The following ERI3 variants were observed in gnomAD, a reference collection of about 807,000 sequenced individuals.
ERI3 encodes ERI1 exoribonuclease 3.
Under a neutral mutation model 44.4 loss-of-function variants are expected in ERI3, and 18 were observed. That is an observed-to-expected ratio of 0.41 (90% CI 0.28 to 0.60). The LOEUF (loss-of-function observed/expected upper bound fraction) is 0.60. Among genes scored for constraint, ERI3 ranks in the 20% least tolerant of loss-of-function variants. The pLI is 0.36. For synonymous variants in ERI3, 183 were observed against 164.8 expected, an observed-to-expected ratio of 1.11 and a Z score of -0.84; for missense variants, 294 against 435.5, an observed-to-expected ratio of 0.68 and a Z score of 2.89.
At chr1:44,267,390 T>C (rs543878401) in intron 7 of ERI3, among the ~76,000 whole-genome samples, 1 of 152,252 alleles carries the variant, frequency 6.6e-6, no homozygotes, top group South Asian at 2.1e-4. Context: ...CCTATGGGCC[T>C]CTCCTCCCCT....
chr1:44,327,977 T>C (rs1386548312), intron 3 of ERI3, among the ~76,000 whole-genome samples: 2 of 152,336 alleles, frequency 1.3e-5, no homozygotes, highest in East Asian at 3.9e-4. Context: ...GTCAGACTAC[T>C]TGGCCAGGAG....
intron 2 of ERI3, among the ~76,000 whole-genome samples, chr1:44,352,519 C>T (rs1175338013): frequency 6.6e-6 from 1 of 152,150 alleles, no homozygotes; most frequent in African/African-American, 2.4e-5. Flanking sequence ...ATGTGTATTT[C>T]TCAGGATAAT....
chr1:44,254,947 C>T (rs1170606053), intron 7 of ERI3, among the ~76,000 whole-genome samples: 2 of 151,736 alleles, frequency 1.3e-5, no homozygotes, highest in African/African-American at 4.8e-5. Flanking sequence ...CTGGCTTCTT[C>T]ATTAACATTC....
chr1:44,355,009 G>A lies in ERI3; in HGVS notation c.18C>T (p.Pro6=), dbSNP rs778879330. 15 of 1,388,204 alleles carry A rather than the reference G, an allele frequency of 1.1e-5. No homozygotes were observed. The highest frequency in any genetic ancestry group is 1.2e-5 in the Non-Finnish European group (13 of 1,066,258). 86.0% of individuals were successfully genotyped at this position (1,388,204 alleles called of 1,614,324 possible). A position where few individuals can be genotyped will look rare whatever the true frequency, so the allele number is the denominator to read the frequency against. The change falls in exon 1 of 9, where the codon CCC becomes CCT. Residue 6 remains proline, a synonymous_variant. Coordinates refer to ENST00000372257, the MANE Select transcript of ERI3 (RefSeq NM_024066.3). Reference sequence around the variant, plus strand: ...GCCGCCCCCGCCCCCCGTCAGCAGCGGGAGAGGCTGTCGCCATGGCAACGC... The same window carrying A: ...GCCGCCCCCGCCCCCCGTCAGCAGCAGGAGAGGCTGTCGCCATGGCAACGC... MATAS[P]AADGGRGRPW... is the part of the protein sequence containing the mutation.
intron 7 of ERI3, among the ~76,000 whole-genome samples, chr1:44,280,928 G>A (rs1645271581): frequency 1.3e-5 from 2 of 152,270 alleles, no homozygotes; most frequent in South Asian, 4.1e-4. Context: ...TTAAACATCT[G>A]TGTGCCAGGA....
rs551551141 is a variant in ERI3, at chr1:44,328,157, TG to T, written c.490-8414del. Among the ~76,000 whole-genome samples, 15 of 152,244 alleles carry T rather than the reference TG, an allele frequency of 9.9e-5. No individual in the cohort carries two copies. The South Asian group carries it at 3.1e-3, about 32-fold the overall frequency. On this transcript the variant is annotated intron_variant, in intron 3 of 8. Transcript: ENST00000372257. Reference sequence around the variant, plus strand: ...CAGCCAGGAAGGTAAACAGTTGTGCTGGCATGACAATAGATTTTTAAAAATT... The same window carrying T: ...CAGCCAGGAAGGTAAACAGTTGTGCTGCATGACAATAGATTTTTAAAAATT...
At chr1:44,328,167 A>G (rs1646353235) in intron 3 of ERI3, among the ~76,000 whole-genome samples, 2 of 151,996 alleles carry the variant, frequency 1.3e-5, no homozygotes, top group Admixed American at 1.3e-4. Context: ...TGGCATGACA[A>G]TAGATTTTTA....
intron 6 of ERI3, among the ~76,000 whole-genome samples, chr1:44,300,550 T>C (rs1406951072): frequency 6.6e-6 from 1 of 152,162 alleles, no homozygotes; most frequent in African/African-American, 2.4e-5. Flanking sequence ...GAGACGCCTG[T>C]TGACTTGCAG....
At chr1:44,309,755 G>A (rs986104592) in intron 5 of ERI3, among the ~76,000 whole-genome samples, 13 of 151,960 alleles carry the variant, frequency 8.6e-5, no homozygotes, top group African/African-American at 3.1e-4. Flanking sequence ...AGTAGAGACG[G>A]GGTTTCACCG....
intron 2 of ERI3, among the ~76,000 whole-genome samples, chr1:44,350,868 G>C (rs1271428157): frequency 6.6e-6 from 1 of 152,040 alleles, no homozygotes; most frequent in Non-Finnish European, 1.5e-5. Flanking sequence ...TTATAGGCAC[G>C]AGCCATCGTG....
At chr1:44,284,010 T>C (rs994186222) in intron 7 of ERI3, 1 of 470,778 alleles carries the variant, frequency 2.1e-6, no homozygotes, top group African/African-American at 2.0e-5. Context: ...TGTTCTCCTT[T>C]CTCTGAGCTT....
rs1646160906 is a variant in ERI3, at chr1:44,319,708, G to A, written c.526C>T (p.Arg176Trp). The A allele has an allele frequency of 1.9e-6, 3 of 1,614,112 alleles. No homozygotes were observed. Among genetic ancestry groups the A allele is most frequent in the African/African-American group, 1.3e-5 (1 of 75,026 alleles). The change falls in exon 4 of 9, where the codon CGG (arginine) becomes TGG (tryptophan). Residue 176 changes from arginine (R) to tryptophan (W), a missense_variant. This residue lies in a region of ERI3 where 187 missense variants were observed against 338.6 expected (regional missense o/e 0.55). Coordinates refer to ENST00000372257, the MANE Select transcript of ERI3 (RefSeq NM_024066.3). ...AAGGTAGACTCAATCTCCATGGTCCGGCCATTTAGCTTTAGGATGGGGAAC... is the reference window on the plus strand; with the variant it reads ...AAGGTAGACTCAATCTCCATGGTCCAGCCATTTAGCTTTAGGATGGGGAAC... ...IEFPILKLNGRTMEIESTFHM... is the reference protein window; with the variant it reads ...IEFPILKLNGWTMEIESTFHM...
chr1:44,256,387 C>G (rs1027992095), intron 7 of ERI3, among the ~76,000 whole-genome samples: 3 of 152,154 alleles, frequency 2.0e-5, no homozygotes, highest in African/African-American at 2.4e-5. Context: ...ATCCCCCAAC[C>G]CATTCCTCGG....
chr1:44,292,956 A>T (rs1341993061), intron 6 of ERI3, among the ~76,000 whole-genome samples: 1 of 152,212 alleles, frequency 6.6e-6, no homozygotes, highest in Admixed American at 6.5e-5. Flanking sequence ...TTTAAATATC[A>T]GTGTGCGTGA....
intron 8 of ERI3, among the ~76,000 whole-genome samples, chr1:44,233,970 A>G (rs1268840706): frequency 1.3e-5 from 2 of 152,172 alleles, no homozygotes; most frequent in African/African-American, 4.8e-5. Context: ...ATTGATAGAC[A>G]ATTGGTGAAC....
rs1247334955 is a variant in ERI3 at position 44,228,146 on chromosome 1, C to T, written c.932-6506G>A. Among the ~76,000 whole-genome samples the T allele has an allele frequency of 1.3e-5, 2 of 151,888 alleles. No homozygotes were observed. Among genetic ancestry groups the T allele is most frequent in the East Asian group, 1.9e-4 (1 of 5,164 alleles). On this transcript the variant is annotated intron_variant, in intron 8 of 8. Transcript: ENST00000372257. The surrounding 1 kb of genome is among the most constrained non-coding windows in gnomAD (Gnocchi z 4.3). Reference sequence around the variant, plus strand: ...CTAGACACACACTCCCTTCTCCCCACAGCCATGGCTCCCATAGCTTCCTAC... The same window carrying T: ...CTAGACACACACTCCCTTCTCCCCATAGCCATGGCTCCCATAGCTTCCTAC...
chr1:44,295,878 A>G (rs325158), intron 6 of ERI3, among the ~76,000 whole-genome samples: 41,048 of 152,124 alleles, frequency 0.27, 5,738 homozygotes, highest in South Asian at 0.42. Context: ...TGAGCATTCA[A>G]GGGTCTGTCC....
Position 44,324,050 on chromosome 1 carries a change from G to A in ERI3, c.490-4306C>T, listed in dbSNP as rs142486229. 4.4e-3 allele frequency among the ~76,000 whole-genome samples: 664 copies of A among 152,310 alleles called. 3 individuals are homozygous for A. The highest frequency in any genetic ancestry group is 0.015 in the African/African-American group (629 of 41,554). On this transcript the variant is annotated intron_variant, in intron 3 of 8. Coordinates refer to ENST00000372257, the MANE Select transcript of ERI3 (RefSeq NM_024066.3). ...TTGCTACTGAAAAGACTCCACCATGGCTGCAGTAACACAGATGGCACAGAT... is the reference window on the plus strand; with the variant it reads ...TTGCTACTGAAAAGACTCCACCATGACTGCAGTAACACAGATGGCACAGAT...
chr1:44,329,491 G>A (rs1228523104), intron 3 of ERI3, among the ~76,000 whole-genome samples: 6 of 152,096 alleles, frequency 3.9e-5, no homozygotes, highest in East Asian at 1.9e-4. Context: ...TACCAATCCC[G>A]TTCAGTTGAC....
Sources: allele counts gnomAD v4.1 joint callset (sites outside exome capture counted in the v4.1 genomes callset), GRCh38; gene constraint gnomAD v4.1.1; regional missense constraint gnomAD v4.1.1; non-coding constraint Gnocchi (gnomAD v3.1); transcripts MANE v1.5; gene names NCBI Gene and HGNC (gene_info 2026-07-23, HGNC 2026-07-21).